ITPR1: variants seen among roughly 807,000 people sequenced by gnomAD.
ITPR1 encodes the protein inositol 1,4,5-trisphosphate-gated calcium channel ITPR1.
ITPR1 carries 96 observed loss-of-function variants against 318.4 expected under a neutral mutation model. The ratio of observed to expected loss-of-function variants is 0.30; its 90% CI spans 0.26 to 0.36. The LOEUF (loss-of-function observed/expected upper bound fraction) is 0.36, where lower values mean the gene tolerates loss of function less well. Ranked by LOEUF, ITPR1 falls within the 10% of genes least tolerant of loss-of-function variation. The pLI is 1.00. For synonymous variants in ITPR1, 1,312 were observed against 1,289.9 expected (o/e 1.02, Z -0.37); for missense variants, 2,440 against 3,460.2 (o/e 0.71, Z 7.40).
At chr3:4,549,410 C>T (rs1295032419) in intron 4 of ITPR1, among the ~76,000 whole-genome samples, 1 of 152,208 alleles carries the variant, frequency 6.6e-6, no homozygotes, top group African/African-American at 2.4e-5. Context: ...TCCTGACAGC[C>T]TCATTGTAAA....
chr3:4,612,625 G>A (rs1053596855), intron 4 of ITPR1, among the ~76,000 whole-genome samples: 5 of 152,040 alleles, frequency 3.3e-5, no homozygotes, highest in Non-Finnish European at 7.4e-5. Context: ...GGTGGCTCAT[G>A]CCTGTAATCC....
rs2094058512 is a variant in ITPR1, at chr3:4,670,714, C to T, written c.2007-15C>T. On this transcript the variant is annotated splice_polypyrimidine_tract_variant and intron_variant, in intron 19 of 61. Coordinates refer to ENST00000649015, the MANE Select transcript of ITPR1 (RefSeq NM_001378452.1). ...TTAAAAATAGTAACTTTTCCCTCCT[C>T]CTCTTGTTTTCTAGGTTGGTTCTTT... The T allele has an allele frequency of 1.3e-6, 2 of 1,540,316 alleles. No individual in the cohort carries two copies. Among genetic ancestry groups the T allele is most frequent in the Non-Finnish European group, 8.8e-7 (1 of 1,129,982 alleles).
At chr3:4,670,183 A>G (rs960456902) in intron 19 of ITPR1, among the ~76,000 whole-genome samples, 6 of 152,182 alleles carry the variant, frequency 3.9e-5, no homozygotes, top group Non-Finnish European at 8.8e-5. Context: ...GGTCTGCAGA[A>G]TTTTTGTTAC....
chr3:4,497,571 A>G (rs2080689866), intron 2 of ITPR1, among the ~76,000 whole-genome samples: 1 of 152,230 alleles, frequency 6.6e-6, no homozygotes. Flanking sequence ...ACAGAAAATA[A>G]CAAGTGGAGA....
At chr3:4,742,888 C>T (rs553729347) in intron 44 of ITPR1, among the ~76,000 whole-genome samples, 50 of 152,310 alleles carry the variant, frequency 3.3e-4, no homozygotes, top group African/African-American at 1.0e-3. Flanking sequence ...GCCTGGGGGA[C>T]GCTCTGTCTT....
intron 4 of ITPR1, 150 bp from the exon 5 acceptor site, chr3:4,627,613 A>G (rs1158380004): frequency 3.8e-6 from 2 of 524,378 alleles, no homozygotes; most frequent in Non-Finnish European, 6.9e-6. Context: ...ATTCAAAAAG[A>G]GATTTGTCAA....
intron 57 of ITPR1, 21 bp downstream of exon 57, chr3:4,813,255 G>A (rs1477577551): frequency 1.3e-6 from 2 of 1,546,772 alleles, no homozygotes; most frequent in African/African-American, 2.7e-5. Flanking sequence ...CTAACTGTAA[G>A]CCCCATGTTA....
intron 4 of ITPR1, among the ~76,000 whole-genome samples, chr3:4,551,110 G>A (rs1317091607): frequency 6.6e-6 from 1 of 152,186 alleles, no homozygotes; most frequent in East Asian, 1.9e-4. Flanking sequence ...TGGAAGAGAA[G>A]ATACCAGCTG....
chr3:4,824,283 A>G (rs1328776986), intron 60 of ITPR1, among the ~76,000 whole-genome samples: 1 of 152,182 alleles, frequency 6.6e-6, no homozygotes, highest in Non-Finnish European at 1.5e-5. Context: ...CGGAAAATAA[A>G]CACTGTATGT....
chr3:4,504,335 T>C (rs753610594), intron 2 of ITPR1, among the ~76,000 whole-genome samples: 10 of 152,166 alleles, frequency 6.6e-5, no homozygotes, highest in Non-Finnish European at 1.2e-4. Flanking sequence ...CAACGTTGTA[T>C]TATACTAGAG....
chr3:4,603,730 AC>A (rs1213300977), intron 4 of ITPR1, among the ~76,000 whole-genome samples: 1 of 151,992 alleles, frequency 6.6e-6, no homozygotes, highest in East Asian at 1.9e-4. Context: ...ATTTTCTTTC[AC>A]CAGTCCACTG....
chr3:4,561,787 T>G (rs1483542563), intron 4 of ITPR1, among the ~76,000 whole-genome samples: 1 of 152,188 alleles, frequency 6.6e-6, no homozygotes, highest in African/African-American at 2.4e-5. Context: ...ACATGAGCAA[T>G]AGACCTGCCA....
intron 4 of ITPR1, among the ~76,000 whole-genome samples, chr3:4,577,092 T>G (rs576356038): frequency 6.6e-6 from 1 of 152,342 alleles, no homozygotes; most frequent in East Asian, 1.9e-4. Context: ...ATGAATTGTG[T>G]TCCCCACGCT....
chr3:4,590,898 T>C (rs896532629), intron 4 of ITPR1, among the ~76,000 whole-genome samples: 2 of 152,248 alleles, frequency 1.3e-5, no homozygotes, highest in South Asian at 2.1e-4. Context: ...CCTCCACAAG[T>C]AGACTCTGGT....
chr3:4,559,086 G>A (rs191668265), intron 4 of ITPR1, among the ~76,000 whole-genome samples: 28 of 152,056 alleles, frequency 1.8e-4, no homozygotes, highest in Admixed American at 1.0e-3. Flanking sequence ...TCAAACTCCT[G>A]GGTGCAAATG....
chr3:4,771,724 A>G (rs1467335327), intron 46 of ITPR1, among the ~76,000 whole-genome samples: 1 of 151,830 alleles, frequency 6.6e-6, no homozygotes, highest in African/African-American at 2.4e-5. Context: ...GGTGTATAGT[A>G]TATTTTAACA....
rs745796522 is a variant in ITPR1, at chr3:4,733,052, T to C, written c.5221-36T>C. 8 of 1,598,696 alleles carry C rather than the reference T, an allele frequency of 5.0e-6. No homozygotes were observed. The South Asian group carries it at 9.0e-5, about 18-fold the overall frequency. On this transcript the variant is annotated intron_variant, in intron 42 of 61. Coordinates refer to ENST00000649015, the MANE Select transcript of ITPR1 (RefSeq NM_001378452.1). ...ATTCGTCCCTCGGTGATGCATTAAA[T>C]GCAGAAGCTGATTTTATTATCCTGT...
At chr3:4,738,740 G>C (rs1221395208) in intron 44 of ITPR1, among the ~76,000 whole-genome samples, 1 of 151,798 alleles carries the variant, frequency 6.6e-6, no homozygotes, top group Non-Finnish European at 1.5e-5. Context: ...ATGAATATTA[G>C]TTTCATGGTT....
At chr3:4,657,155 A>T (rs191010709) in intron 12 of ITPR1, among the ~76,000 whole-genome samples, 1 of 152,290 alleles carries the variant, frequency 6.6e-6, no homozygotes, top group African/African-American at 2.4e-5. Flanking sequence ...CATCTTTTTC[A>T]GGGCTACGCT....
Sources: allele counts gnomAD v4.1 joint callset (sites outside exome capture counted in the v4.1 genomes callset), GRCh38; gene constraint gnomAD v4.1.1; transcripts MANE v1.5; gene names NCBI Gene and HGNC (gene_info 2026-07-23, HGNC 2026-07-21).